PXYLP1: variants seen among roughly 807,000 people sequenced by gnomAD.
PXYLP1 encodes the protein acid phosphatase-like 2.
A neutral mutation model predicts 37.9 loss-of-function variants in PXYLP1; 17 were observed. That is an observed-to-expected ratio of 0.45 (90% CI 0.31 to 0.67). The LOEUF (loss-of-function observed/expected upper bound fraction) is 0.67. Among genes scored for constraint, PXYLP1 ranks in the 30% least tolerant of loss-of-function variants. PXYLP1 has a pLI of 0.07. For missense variants in PXYLP1, 511 were observed against 612.0 expected (o/e 0.84, Z 1.74); for synonymous variants, 221 against 232.2 (o/e 0.95, Z 0.44).
At chr3:141,270,951 T>C (rs1276284316) in intron 2 of PXYLP1, among the ~76,000 whole-genome samples, 2 of 152,182 alleles carry the variant, frequency 1.3e-5, no homozygotes, top group Non-Finnish European at 2.9e-5. Flanking sequence ...AATGCAGTAG[T>C]GTGATCAGGG....
In PXYLP1 at chr3:141,289,424, A is replaced by T. The variant is rs538468675; in HGVS notation, c.505+1971A>T. On this transcript the variant is annotated intron_variant, in intron 5 of 5. Transcript: ENST00000286353. The stretch of plus-strand genomic sequence containing the variant: ...CCCCAGCCCCTACCCACTAGGTGCC[A>T]GGAATGCCTTTCCCCATACTATTGT... 3.3e-5 allele frequency among the ~76,000 whole-genome samples: 5 copies of T among 152,280 alleles called. No homozygotes were observed. The East Asian group carries it at 9.6e-4, about 29-fold the overall frequency.
At chr3:141,246,758 C>G (rs972934394) in intron 1 of PXYLP1, among the ~76,000 whole-genome samples, 2 of 152,238 alleles carry the variant, frequency 1.3e-5, no homozygotes, top group African/African-American at 4.8e-5. Flanking sequence ...CTCAGTGTTG[C>G]CACATAGTAA....
chr3:141,287,332 A>G lies in PXYLP1; in HGVS notation c.384A>G (p.Lys128=), dbSNP rs1270576043. ...LVANRKPYHP[K]LEAFISHMSK... The stretch of plus-strand genomic sequence containing the variant: ...TCTCTAGGAAACCGTATCACCCAAA[A>G]CTGGAAGCTTTCATTAGTCACATGT... The change falls in exon 5 of 6, where the codon AAA becomes AAG. Residue 128 remains lysine, a synonymous_variant. Transcript: ENST00000286353. The G allele has an allele frequency of 6.2e-7, 1 of 1,613,966 alleles. No individual in the cohort carries two copies. Among genetic ancestry groups the G allele is most frequent in the African/African-American group, 1.3e-5 (1 of 74,868 alleles).
At chr3:141,280,386 A>G (rs1414018525) in intron 4 of PXYLP1, among the ~76,000 whole-genome samples, 7 of 152,170 alleles carry the variant, frequency 4.6e-5, no homozygotes, top group Non-Finnish European at 1.0e-4. Context: ...TGATGCCAGG[A>G]CCCTCTAATG....
intron 1 of PXYLP1, among the ~76,000 whole-genome samples, chr3:141,241,810 G>A (rs1940807232): frequency 6.6e-6 from 1 of 152,188 alleles, no homozygotes. Flanking sequence ...AGAATCTGAG[G>A]AGGGCTTGGC....
At chr3:141,283,350 C>T (rs1941997886) in intron 4 of PXYLP1, among the ~76,000 whole-genome samples, 2 of 152,014 alleles carry the variant, frequency 1.3e-5, no homozygotes, top group African/African-American at 4.8e-5. Flanking sequence ...TGAGAATCTT[C>T]AGCATGTTGA....
intron 1 of PXYLP1, among the ~76,000 whole-genome samples, chr3:141,250,446 G>A: frequency 6.6e-6 from 1 of 152,206 alleles, no homozygotes; most frequent in East Asian, 1.9e-4. Flanking sequence ...TCAGGTCTCT[G>A]CCCATTCTAT....
At position 141,293,568 on chromosome 3, in the gene PXYLP1, T is replaced by C. The variant is rs1576612178; in HGVS notation, c.*363T>C. ...AACCAGCACACCTCAACCAAAATTTTTTTAATCTTAGACATTTTTACCTTG... is the reference window on the plus strand; with the variant it reads ...AACCAGCACACCTCAACCAAAATTTCTTTAATCTTAGACATTTTTACCTTG... On this transcript the variant is annotated 3_prime_UTR_variant, in exon 6 of 6. Transcript: ENST00000286353. 5.2e-6 allele frequency: 1 copy of C among 192,992 alleles called. No individual in the cohort carries two copies. Among genetic ancestry groups the C allele is most frequent in the South Asian group, 1.5e-4 (1 of 6,618 alleles). The allele number at this position is 192,992 out of a possible 1,614,324, so 12.0% of individuals were successfully genotyped here. A position where few individuals can be genotyped will look rare whatever the true frequency, so the allele number is the denominator to read the frequency against.
Position 141,249,211 on chromosome 3 carries a change from A to G in PXYLP1, c.-53-10912A>G, listed in dbSNP as rs537753902. 1.5e-3 allele frequency among the ~76,000 whole-genome samples: 234 copies of G among 152,336 alleles called. 1 individual carries two copies. The highest frequency in any genetic ancestry group is 2.6e-3 in the Non-Finnish European group (178 of 68,028). On this transcript the variant is annotated intron_variant, in intron 1 of 5. Coordinates refer to ENST00000286353, the MANE Select transcript of PXYLP1 (RefSeq NM_001037172.3). ...CCTGGTGCCCCACTCCTCTTCATGA[A>G]TGAGTCATAGAATCACCTGCCAGTG... is the stretch of plus-strand genomic sequence containing the variant.
At chr3:141,261,753 T>TG (rs2148758440) in intron 2 of PXYLP1, among the ~76,000 whole-genome samples, 1 of 147,252 alleles carries the variant, frequency 6.8e-6, no homozygotes, top group South Asian at 2.2e-4. Flanking sequence ...GAACCAGCAC[T>TG]GCCTAGCACG....
chr3:141,261,729 T>C (rs1941398632), intron 2 of PXYLP1, among the ~76,000 whole-genome samples: 1 of 149,810 alleles, frequency 6.7e-6, no homozygotes. Context: ...ATCCTGTTTC[T>C]CTCTGTATCC....
intron 1 of PXYLP1, among the ~76,000 whole-genome samples, chr3:141,248,564 TATATATACACAC>T (rs1941025618): frequency 7.5e-6 from 1 of 134,178 alleles, no homozygotes; most frequent in African/African-American, 3.0e-5. Context: ...CACACGTGTA[TATATATACACAC>T]ATGTATATAT....
chr3:141,282,462 T>C (rs1941975846), intron 4 of PXYLP1, among the ~76,000 whole-genome samples: 1 of 146,350 alleles, frequency 6.8e-6, no homozygotes, highest in African/African-American at 2.6e-5. Context: ...CCACAGCATC[T>C]GTTACTTTCT....
rs548182070 is a variant in PXYLP1, at chr3:141,273,248, G to A, written c.80-5094G>A. On this transcript the variant is annotated intron_variant, in intron 2 of 5. Transcript: ENST00000286353. ...AGCATGTGCTCCATACATGTTGGATGGCCAGATGGACAAATGCATAAATAC... is the reference window on the plus strand; with the variant it reads ...AGCATGTGCTCCATACATGTTGGATAGCCAGATGGACAAATGCATAAATAC... 8 of 985,454 alleles carry A rather than the reference G, an allele frequency of 8.1e-6. No individual in the cohort carries two copies. The African/African-American group carries it at 1.0e-4, about 13-fold the overall frequency. The allele number at this position is 985,454 out of a possible 1,614,324, so 61.0% of individuals were successfully genotyped here. A position where few individuals can be genotyped will look rare whatever the true frequency, so the allele number is the denominator to read the frequency against.
In PXYLP1 at chr3:141,293,429, G is replaced by A; in HGVS notation, c.*224G>A. The A allele has an allele frequency of 1.8e-6, 1 of 550,014 alleles. No homozygotes were observed. The highest frequency in any genetic ancestry group is 2.6e-5 in the South Asian group (1 of 39,084). The allele number at this position is 550,014 out of a possible 1,614,324, so 34.1% of individuals were successfully genotyped here. On this transcript the variant is annotated 3_prime_UTR_variant, in exon 6 of 6. Coordinates refer to ENST00000286353, the MANE Select transcript of PXYLP1 (RefSeq NM_001037172.3). ...TGGCCAGTTCACAGAGGAATAGAAG[G>A]TACTTTATCATAGCCAGACTTCGCT...
At position 141,292,144 on chromosome 3, in the gene PXYLP1, G is replaced by A. The variant is rs1942228929; in HGVS notation, c.506-124G>A. The A allele has an allele frequency of 2.2e-6, 2 of 903,642 alleles. No individual in the cohort carries two copies. The highest frequency in any genetic ancestry group is 3.4e-5 in the South Asian group (2 of 59,068). The allele number at this position is 903,642 out of a possible 1,614,324, so 56.0% of individuals were successfully genotyped here. On this transcript the variant is annotated intron_variant, in intron 5 of 5. Transcript: ENST00000286353. The surrounding 1 kb of genome is among the most constrained non-coding windows in gnomAD (Gnocchi z 4.3). ...GAGCTTGTAACTTCCACACCATGGGGAAACAGGCTGGATGCCATTCTCTTG... is the reference window on the plus strand; with the variant it reads ...GAGCTTGTAACTTCCACACCATGGGAAAACAGGCTGGATGCCATTCTCTTG...
chr3:141,257,531 A>G (rs1205091733), intron 1 of PXYLP1, among the ~76,000 whole-genome samples: 1 of 152,204 alleles, frequency 6.6e-6, no homozygotes. Context: ...ATGCTATAAA[A>G]CTGAGACTTA....
At chr3:141,237,678 C>T (rs1010275559) in intron 1 of PXYLP1, among the ~76,000 whole-genome samples, 2 of 152,178 alleles carry the variant, frequency 1.3e-5, no homozygotes, top group Non-Finnish European at 2.9e-5. Flanking sequence ...ACCTTTTAGG[C>T]GCCAACTGAC....
At chr3:141,285,138 C>CTTTTTCT (rs1942041199) in intron 4 of PXYLP1, among the ~76,000 whole-genome samples, 1 of 70,650 alleles carries the variant, frequency 1.4e-5, no homozygotes, top group African/African-American at 6.5e-5. Flanking sequence ...TTTTCTTTTT[C>CTTTTTCT]TTTTTCTTTT....
Sources: allele counts gnomAD v4.1 joint callset (sites outside exome capture counted in the v4.1 genomes callset), GRCh38; gene constraint gnomAD v4.1.1; non-coding constraint Gnocchi (gnomAD v3.1); transcripts MANE v1.5; gene names NCBI Gene and HGNC (gene_info 2026-07-23, HGNC 2026-07-21).